Variants in PPEF1 observed in about 807,000 individuals in gnomAD.
PPEF1 encodes serine/threonine-protein phosphatase with EF-hands 1.
A neutral mutation model predicts 53.3 loss-of-function variants in PPEF1; 12 were observed. The ratio of observed to expected loss-of-function variants is 0.23; its 90% CI spans 0.14 to 0.36. The LOEUF is 0.36. Ranked by LOEUF, PPEF1 falls within the 10% of genes least tolerant of loss-of-function variation. The probability of loss-of-function intolerance (pLI) is 1.00; values close to 1 mark genes in which losing one functional copy is unlikely to be tolerated. For missense variants in PPEF1, 334 were observed against 490.4 expected, an observed-to-expected ratio of 0.68 and a Z score of 3.01; for synonymous variants, 165 against 176.7, an observed-to-expected ratio of 0.93 and a Z score of 0.52.
Position 18,812,542 on chromosome X carries a change from G to T in PPEF1, c.1395-5497G>T, listed in dbSNP as rs1028980165. 6.3e-5 allele frequency among the ~76,000 whole-genome samples: 7 copies of T among 111,593 alleles called. No individual in the cohort carries two copies. The Admixed American group carries it at 6.7e-4, about 11-fold the overall frequency. ...AAATACCAGCTGAGAATTTGATAGG[G>T]ATTATGTTGAGTCTGTAGATCAATT... On this transcript the variant is annotated intron_variant, in intron 12 of 15. Transcript: ENST00000470157.
chrX:18,692,237 C>A (rs969492619), intron 4 of PPEF1, among the ~76,000 whole-genome samples: 29 of 112,144 alleles, frequency 2.6e-4, no homozygotes, highest in African/African-American at 9.1e-4. Flanking sequence ...GCTGACTGAA[C>A]TCACGATTTT....
intron 6 of PPEF1, among the ~76,000 whole-genome samples, chrX:18,776,097 GTCTATAGCCTTCAACAGTCCTCAGGTTCC>G (rs1377660102): frequency 1.8e-5 from 2 of 112,336 alleles, no homozygotes; most frequent in Non-Finnish European, 3.8e-5. Flanking sequence ...TCCCAACAGA[GTCTATAGCCTTCAACAGTCCTCAGGTTCC>G]TCTAGCTTAC....
chrX:18,747,260 G>C (rs2045349736), intron 3 of PPEF1, among the ~76,000 whole-genome samples: 1 of 111,050 alleles, frequency 9.0e-6, no homozygotes, highest in Non-Finnish European at 1.9e-5. Flanking sequence ...GTGTTACAGA[G>C]TCTGAAGAGA....
chrX:18,732,489 C>A (rs904452531), intron 2 of PPEF1, among the ~76,000 whole-genome samples: 1 of 112,126 alleles, frequency 8.9e-6, no homozygotes, highest in Non-Finnish European at 1.9e-5. Flanking sequence ...ATGAGGGCTC[C>A]AATTTCTTCA....
Position 18,757,799 on chromosome X carries a change from G to A in PPEF1, c.511+58G>A, listed in dbSNP as rs763626445. On this transcript the variant is annotated intron_variant, in intron 5 of 15. Coordinates refer to ENST00000470157, the MANE Select transcript of PPEF1 (RefSeq NM_001377996.1). Reference sequence around the variant, plus strand: ...TTTAGGAGCCTCTTGGTCCTACATCGTTTGCCTAACTTGAAAACTGTGTAA... The same window carrying A: ...TTTAGGAGCCTCTTGGTCCTACATCATTTGCCTAACTTGAAAACTGTGTAA... 64 of 878,093 alleles carry A rather than the reference G, an allele frequency of 7.3e-5. No individual in the cohort carries two copies. The South Asian group carries it at 1.1e-3, about 15-fold the overall frequency. 72.4% of individuals were successfully genotyped at this position (878,093 alleles called of 1,213,427 possible).
At chrX:18,751,465 G>T (rs1303845270) in intron 4 of PPEF1, among the ~76,000 whole-genome samples, 2 of 112,026 alleles carry the variant, frequency 1.8e-5, no homozygotes, top group African/African-American at 3.2e-5. Context: ...CCATTGAGTG[G>T]TCTTTGCACC....
chrX:18,705,116 C>G (rs73458619), upstream of PPEF1, among the ~76,000 whole-genome samples: 4,636 of 111,460 alleles, frequency 0.042, 250 homozygotes, highest in African/African-American at 0.14. Flanking sequence ...CCTTCCCTCT[C>G]TCTTCTTTTG....
intron 3 of PPEF1, among the ~76,000 whole-genome samples, chrX:18,690,445 C>T (rs1444930337): frequency 9.6e-6 from 1 of 104,630 alleles, no homozygotes; most frequent in East Asian, 3.1e-4. Flanking sequence ...GGCACTGTCT[C>T]AGCTCACTGC....
At chrX:18,819,640 C>T (rs917994864) in intron 13 of PPEF1, among the ~76,000 whole-genome samples, 5 of 111,463 alleles carry the variant, frequency 4.5e-5, no homozygotes, top group Admixed American at 9.6e-5. Context: ...GTTGCAGTGA[C>T]CCGAGACCGC....
chrX:18,791,615 T>A (rs2046325183), intron 10 of PPEF1, among the ~76,000 whole-genome samples: 2 of 112,107 alleles, frequency 1.8e-5, no homozygotes, highest in Non-Finnish European at 3.8e-5. Flanking sequence ...CCTACAAGAT[T>A]ATGTTATCTG....
At chrX:18,760,489 T>A (rs1464688892) in intron 5 of PPEF1, among the ~76,000 whole-genome samples, 1 of 111,805 alleles carries the variant, frequency 8.9e-6, no homozygotes, top group Non-Finnish European at 1.9e-5. Flanking sequence ...TCTTATCCAC[T>A]GGGTCCTATG....
chrX:18,758,149 G>T (rs1465175923), intron 5 of PPEF1, among the ~76,000 whole-genome samples: 4 of 111,930 alleles, frequency 3.6e-5, no homozygotes, highest in African/African-American at 1.3e-4. Context: ...GCCCTTGGCT[G>T]CTGTTTTAGA....
At chrX:18,729,977 G>T (rs2044798847) in intron 1 of PPEF1, among the ~76,000 whole-genome samples, 1 of 112,147 alleles carries the variant, frequency 8.9e-6, no homozygotes, top group African/African-American at 3.2e-5. Flanking sequence ...CCTAATGGCT[G>T]TGCCATCATT....
chrX:18,792,446 A>G (rs1342999117), intron 10 of PPEF1, among the ~76,000 whole-genome samples: 1 of 111,596 alleles, frequency 9.0e-6, no homozygotes, highest in East Asian at 2.8e-4. Context: ...CCTGAAACAA[A>G]TTTATTTCAT....
At chrX:18,683,923 G>A (rs1569238363) in intron 1 of PPEF1, among the ~76,000 whole-genome samples, 1 of 112,251 alleles carries the variant, frequency 8.9e-6, no homozygotes, top group Non-Finnish European at 1.9e-5. Context: ...CAGATTCCTT[G>A]TGAAATGAAT....
intron 1 of PPEF1, among the ~76,000 whole-genome samples, chrX:18,725,094 C>T (rs1349106443): frequency 2.7e-5 from 3 of 111,029 alleles, no homozygotes; most frequent in African/African-American, 9.8e-5. Flanking sequence ...GCTCTAATGA[C>T]GGCGTGCGTT....
upstream of PPEF1, among the ~76,000 whole-genome samples, chrX:18,705,227 A>G (rs2044170634): frequency 9.0e-6 from 1 of 111,621 alleles, no homozygotes; most frequent in African/African-American, 3.3e-5. Context: ...GATAAATGAG[A>G]GTTATGATAG....
chrX:18,744,182 C>T (rs1484296566), intron 3 of PPEF1, among the ~76,000 whole-genome samples: 3 of 112,117 alleles, frequency 2.7e-5, no homozygotes, highest in African/African-American at 6.5e-5. Context: ...TGAGCCATTG[C>T]GCCCGGCCTA....
intron 2 of PPEF1, among the ~76,000 whole-genome samples, chrX:18,732,505 T>G (rs1386261012): frequency 1.8e-5 from 2 of 112,246 alleles, no homozygotes; most frequent in Non-Finnish European, 1.9e-5. Context: ...CTTCACATTT[T>G]TGCCAATACT....
Sources: gnomAD v4.1 joint callset for allele counts (sites outside exome capture counted in the v4.1 genomes callset) on GRCh38, gnomAD v4.1.1 for gene constraint, MANE v1.5 for transcripts, NCBI Gene and HGNC (gene_info 2026-07-23, HGNC 2026-07-21) for gene names.